EML6: variants seen among roughly 807,000 people sequenced by gnomAD.
The protein encoded by EML6 is EMAP like 6, also known as echinoderm microtubule-associated protein-like 6.
In EML6, 154 loss-of-function variants were observed where a neutral mutation model predicts 240.1. That is an observed-to-expected ratio of 0.64 (90% CI 0.56 to 0.73). The LOEUF (loss-of-function observed/expected upper bound fraction) is 0.73. Ranked by LOEUF, EML6 falls within the 30% of genes least tolerant of loss-of-function variation. The probability of loss-of-function intolerance (pLI) is 0.00; values close to 1 mark genes in which losing one functional copy is unlikely to be tolerated. For missense variants in EML6, 2,964 were observed against 2,474.6 expected (o/e 1.20, Z -4.20); for synonymous variants, 1,148 against 899.0 (o/e 1.28, Z -4.95).
chr2:54,922,460 G>A (rs1352939521), intron 26 of EML6, among the ~76,000 whole-genome samples: 1 of 152,080 alleles, frequency 6.6e-6, no homozygotes, highest in Non-Finnish European at 1.5e-5. Flanking sequence ...GTACAAATTG[G>A]TGCAGTCATT....
intron 2 of EML6, among the ~76,000 whole-genome samples, chr2:54,789,656 A>G (rs1390352250): frequency 6.6e-6 from 1 of 151,590 alleles, no homozygotes; most frequent in East Asian, 1.9e-4. Context: ...GTCATGTGCC[A>G]GATACTGTAT....
At chr2:54,948,299 G>A (rs1394179460) in intron 28 of EML6, among the ~76,000 whole-genome samples, 1 of 152,224 alleles carries the variant, frequency 6.6e-6, no homozygotes, top group Non-Finnish European at 1.5e-5. Context: ...CGAGGGCGGA[G>A]TGGGAGGCGG....
At position 54,968,709 on chromosome 2, in the gene EML6, G is replaced by A. The variant is rs759074311; in HGVS notation, c.5793G>A (p.Thr1931=). 6.4e-6 allele frequency: 10 copies of A among 1,551,286 alleles called. No individual in the cohort carries two copies. In the South Asian group the frequency reaches 7.1e-5, roughly 11 times the overall value. ...ACTTCGGTCACTCGGCTCACGTGAC[G>A]AACATCCGTTTCTCTTATGATGACA... is the stretch of plus-strand genomic sequence containing the variant. ...KRYFGHSAHV[T]NIRFSYDDKY... The change falls in exon 41 of 42, where the codon ACG becomes ACA. Residue 1931 remains threonine, a synonymous_variant. Coordinates refer to ENST00000356458, the MANE Select transcript of EML6 (RefSeq NM_001039753.4).
In EML6 at chr2:54,903,343, G is replaced by A. The variant is rs1268110820; in HGVS notation, c.3278-28G>A. On this transcript the variant is annotated intron_variant, in intron 23 of 41. Coordinates refer to ENST00000356458, the MANE Select transcript of EML6 (RefSeq NM_001039753.4). ...AGTAAATTCCTATATAAAATGCTTCGATGTTAACCCCACATTTTTCTTAAC... is the reference window on the plus strand; with the variant it reads ...AGTAAATTCCTATATAAAATGCTTCAATGTTAACCCCACATTTTTCTTAAC... 1.3e-5 allele frequency: 20 copies of A among 1,546,200 alleles called. No homozygotes were observed. The East Asian group carries it at 2.7e-4, about 21-fold the overall frequency.
intron 17 of EML6, among the ~76,000 whole-genome samples, chr2:54,883,195 A>G (rs779395737): frequency 2.0e-5 from 3 of 152,118 alleles, no homozygotes; most frequent in Non-Finnish European, 4.4e-5. Flanking sequence ...ACATTTTAGC[A>G]TATATCTTTT....
At chr2:54,875,734 C>T (rs575424624) in intron 16 of EML6, among the ~76,000 whole-genome samples, 1 of 152,308 alleles carries the variant, frequency 6.6e-6, no homozygotes, top group African/African-American at 2.4e-5. Flanking sequence ...CCTCTTTTAA[C>T]TCAGTATTTA....
At chr2:54,827,449 T>TA in intron 5 of EML6, 117 bp from the exon 6 acceptor site, 1 of 806,506 alleles carries the variant, frequency 1.2e-6, no homozygotes. Flanking sequence ...AATTAACTTA[T>TA]TTGTGCCTAG....
intron 35 of EML6, 96 bp downstream of exon 35, chr2:54,960,430 C>G (rs1676445154): frequency 1.1e-6 from 1 of 877,444 alleles, no homozygotes; most frequent in Non-Finnish European, 1.8e-6. Flanking sequence ...TTTGTTTACT[C>G]CTTGAAACAA....
chr2:54,777,970 G>T (rs954285749), intron 2 of EML6, among the ~76,000 whole-genome samples: 11 of 152,114 alleles, frequency 7.2e-5, no homozygotes, highest in Non-Finnish European at 1.2e-4. Flanking sequence ...ATCTAAGCTT[G>T]TAGAGAAACA....
chr2:54,785,429 C>T (rs976747862), intron 2 of EML6, among the ~76,000 whole-genome samples: 7 of 152,088 alleles, frequency 4.6e-5, no homozygotes, highest in Non-Finnish European at 8.8e-5. Flanking sequence ...CCCACCTCGG[C>T]CTCCCAGAGT....
intron 7 of EML6, among the ~76,000 whole-genome samples, chr2:54,836,389 G>T (rs1457595597): frequency 6.6e-6 from 1 of 152,150 alleles, no homozygotes; most frequent in Non-Finnish European, 1.5e-5. Flanking sequence ...GTAGAATTTT[G>T]GATCCTGCGG....
chr2:54,950,906 A>G (rs1296002789), intron 30 of EML6, 127 bp downstream of exon 30: 2 of 1,030,100 alleles, frequency 1.9e-6, no homozygotes, highest in South Asian at 1.7e-5. Context: ...CAATTCCAGC[A>G]TGGTCTCAGT....
At chr2:54,882,290 C>CG (rs1671857925) in intron 17 of EML6, 1 of 47,030 alleles carries the variant, frequency 2.1e-5, no homozygotes, top group African/African-American at 9.8e-5. Context: ...TTTTTTTTTT[C>CG]CCTAAAGATC....
chr2:54,907,082 C>T (rs115058615), intron 24 of EML6, among the ~76,000 whole-genome samples: 3,397 of 152,166 alleles, frequency 0.022, 67 homozygotes, highest in Non-Finnish European at 0.033. Flanking sequence ...CATCAGCTAC[C>T]CCTGAATGAA....
At chr2:54,823,115 C>A (rs1002945766) in intron 5 of EML6, among the ~76,000 whole-genome samples, 1 of 152,126 alleles carries the variant, frequency 6.6e-6, no homozygotes, top group Non-Finnish European at 1.5e-5. Flanking sequence ...GAAAAACAGA[C>A]GCCACTTTCA....
chr2:54,886,089 T>C (rs1302448444), intron 17 of EML6, among the ~76,000 whole-genome samples: 1 of 149,984 alleles, frequency 6.7e-6, no homozygotes, highest in Non-Finnish European at 1.5e-5. Context: ...TCTGTACCCA[T>C]CACCCAACTG....
chr2:54,723,752 G>C lies in EML6; in HGVS notation c.-539G>C, dbSNP rs1682784769. 6.6e-6 allele frequency: 1 copy of C among 152,376 alleles called. No homozygotes were observed. The highest frequency in any genetic ancestry group is 1.5e-5 in the Non-Finnish European group (1 of 68,156). The allele number at this position is 152,376 out of a possible 1,614,324, so 9.4% of individuals were successfully genotyped here. ...CTCGCCCGCGCGGGATCCGGGACGC[G>C]CCGGTGGCGTCCGCTGGCAGCAGAG... On this transcript the variant is annotated 5_prime_UTR_variant, in exon 1 of 42. Coordinates refer to ENST00000356458, the MANE Select transcript of EML6 (RefSeq NM_001039753.4).
chr2:54,869,582 A>T (rs1573036023), intron 15 of EML6, among the ~76,000 whole-genome samples: 1 of 152,196 alleles, frequency 6.6e-6, no homozygotes, highest in Non-Finnish European at 1.5e-5. Context: ...TTTTCCTGGA[A>T]TGATGAGATC....
Position 54,773,917 on chromosome 2 carries a change from A to G in EML6, c.198-39315A>G, listed in dbSNP as rs138943729. 3.9e-3 allele frequency among the ~76,000 whole-genome samples: 593 copies of G among 152,300 alleles called. 2 individuals carry two copies. The highest frequency in any genetic ancestry group is 6.8e-3 in the Middle Eastern group (2 of 294). On this transcript the variant is annotated intron_variant, in intron 2 of 41. Coordinates refer to ENST00000356458, the MANE Select transcript of EML6 (RefSeq NM_001039753.4). ...TTCAAATCTGTTTCTGCTACATACC[A>G]TCAATTCGATTTGATGACTGGCACA...
Sources: gnomAD v4.1 joint callset for allele counts (sites outside exome capture counted in the v4.1 genomes callset) on GRCh38, gnomAD v4.1.1 for gene constraint, MANE v1.5 for transcripts, NCBI Gene and HGNC (gene_info 2026-07-23, HGNC 2026-07-21) for gene names.